Variants in KCTD15 observed in about 807,000 individuals in gnomAD.
The protein encoded by KCTD15 is potassium channel tetramerization domain containing 15, also known as BTB/POZ domain-containing protein KCTD15.
KCTD15 carries 11 observed loss-of-function variants against 27.2 expected under a neutral mutation model. The observed-to-expected ratio is 0.41, with a 90% CI of 0.25 to 0.67. KCTD15 has a LOEUF of 0.67. Ranked by LOEUF, KCTD15 falls within the 30% of genes least tolerant of loss-of-function variation. The pLI, the probability that KCTD15 is intolerant of heterozygous loss-of-function variation, is 0.35. For missense variants in KCTD15, 350 were observed against 409.3 expected, an observed-to-expected ratio of 0.86 and a Z score of 1.25; for synonymous variants, 163 against 176.0, an observed-to-expected ratio of 0.93 and a Z score of 0.58.
chr19:33,802,632 A>G (rs1975595681), intron 4 of KCTD15, among the ~76,000 whole-genome samples: 1 of 151,930 alleles, frequency 6.6e-6, no homozygotes, highest in South Asian at 2.1e-4. Flanking sequence ...GGTGGGGACA[A>G]GAGCCACGGG....
chr19:33,809,884 A>G (rs1237942727), intron 5 of KCTD15, among the ~76,000 whole-genome samples: 1 of 152,154 alleles, frequency 6.6e-6, no homozygotes, highest in Admixed American at 6.5e-5. Flanking sequence ...AAAATAAAAT[A>G]AAAATCTCAG....
rs751185346 is a variant in KCTD15, at chr19:33,797,247, G to GGTGTGT, written c.-127+292_-127+297dup. 4.9e-3 allele frequency among the ~76,000 whole-genome samples: 594 copies of GGTGTGT among 120,742 alleles called. 3 individuals are homozygous for GGTGTGT. Among genetic ancestry groups the GGTGTGT allele is most frequent in the Middle Eastern group, 0.019 (4 of 210 alleles). The allele number at this position is 120,742 out of a possible 152,430, so 79.2% of individuals were successfully genotyped here. On this transcript the variant is annotated intron_variant, in intron 1 of 6. Transcript: ENST00000683859. ...GCGGTCTCGGAGCTTCCTGCCGCGC[G>GGTGTGT]GTGTGTGTGTGTGTGTGTGTGTGTG...
At chr19:33,810,953 T>C (rs976432826) in intron 5 of KCTD15, among the ~76,000 whole-genome samples, 1 of 152,044 alleles carries the variant, frequency 6.6e-6, no homozygotes, top group African/African-American at 2.4e-5. Flanking sequence ...CTTCCAGGTC[T>C]TTCCATGGGG....
intron 4 of KCTD15, 65 bp from the exon 5 acceptor site, chr19:33,806,798 G>A (rs1323148609): frequency 1.3e-6 from 2 of 1,572,146 alleles, no homozygotes; most frequent in African/African-American, 2.7e-5. Context: ...TGGGGGCGGG[G>A]TGTGGGAAGA....
In KCTD15 at chr19:33,811,293, C is replaced by T. The variant is rs894807083; in HGVS notation, c.434C>T (p.Pro145Leu). 28 of 1,545,904 alleles carry T rather than the reference C, an allele frequency of 1.8e-5. No homozygotes were observed. Among genetic ancestry groups the T allele is most frequent in the Non-Finnish European group, 2.3e-5 (26 of 1,145,084 alleles). ...YEEARYYQLQ[P>L]MVRELERWQQ... ...GAGGCGCGCTACTATCAGCTCCAGC[C>T]CATGGTGCGCGAGCTGGAGCGCTGG... is the stretch of plus-strand genomic sequence containing the variant. The change falls in exon 6 of 7, where the codon CCC becomes CTC. Residue 145 changes from proline to leucine, a missense_variant. Around this residue, in one of 3 missense-constraint regions of KCTD15, gnomAD observed 219 missense variants for 234.9 expected, o/e 0.93. Coordinates refer to ENST00000683859, the MANE Select transcript of KCTD15 (RefSeq NM_001129994.2).
At chr19:33,795,462 G>A (rs1230084359), upstream of KCTD15, among the ~76,000 whole-genome samples, 1 of 151,988 alleles carries the variant, frequency 6.6e-6, no homozygotes, top group Non-Finnish European at 1.5e-5. Flanking sequence ...GAGTGCGGCC[G>A]CTAGGGGGCG....
chr19:33,801,447 AG>A, intron 4 of KCTD15, 105 bp downstream of exon 4: 1 of 974,342 alleles, frequency 1.0e-6, no homozygotes, highest in South Asian at 1.8e-5. Context: ...TCCACCCACC[AG>A]GGTCTCCAGG....
At chr19:33,797,698 C>G (rs1343035296) in intron 1 of KCTD15, among the ~76,000 whole-genome samples, 1 of 85,528 alleles carries the variant, frequency 1.2e-5, no homozygotes, top group African/African-American at 2.8e-5. Flanking sequence ...CAGCGCCTTT[C>G]TGTCTTCCGG....
chr19:33,812,651 T>A lies in KCTD15; in HGVS notation c.694-139T>A, dbSNP rs77646506. ...CAGCACGTGGTTCTGTAGGGACCTT[T>A]GTCAGTGAGCAAGACTGAGATCGTC... On this transcript the variant is annotated intron_variant, in intron 6 of 6. Transcript: ENST00000683859. 10,434 of 1,359,608 alleles carry A rather than the reference T, an allele frequency of 7.7e-3. 660 individuals carry two copies. The African/African-American group carries it at 0.14, about 18-fold the overall frequency. The allele number at this position is 1,359,608 out of a possible 1,614,324, so 84.2% of individuals were successfully genotyped here. A position where few individuals can be genotyped will look rare whatever the true frequency, so the allele number is the denominator to read the frequency against.
chr19:33,805,893 G>A (rs191203151), intron 4 of KCTD15, among the ~76,000 whole-genome samples: 5 of 152,306 alleles, frequency 3.3e-5, no homozygotes, highest in African/African-American at 7.2e-5. Context: ...CCTTCTCCCC[G>A]GAGTGGACAG....
At position 33,802,385 on chromosome 19, in the gene KCTD15, G is replaced by A. The variant is rs75443436; in HGVS notation, c.242+1043G>A. Among the ~76,000 whole-genome samples the A allele has an allele frequency of 9.0e-3, 1,368 of 152,326 alleles. 21 individuals carry two copies. Among genetic ancestry groups the A allele is most frequent in the African/African-American group, 0.031 (1,303 of 41,552 alleles). ...TACACGGCAGGCTGCATTGTCACCG[G>A]TGTGGTTCCTCAGAGCAGGGAGGAT... On this transcript the variant is annotated intron_variant, in intron 4 of 6. Transcript: ENST00000683859.
At chr19:33,806,573 A>T (rs577082113) in intron 4 of KCTD15, among the ~76,000 whole-genome samples, 1 of 152,156 alleles carries the variant, frequency 6.6e-6, no homozygotes, top group Non-Finnish European at 1.5e-5. Flanking sequence ...ATACCTTTCC[A>T]GGCCTGTAAC....
At chr19:33,803,721 C>T (rs1975631752) in intron 4 of KCTD15, among the ~76,000 whole-genome samples, 1 of 152,106 alleles carries the variant, frequency 6.6e-6, no homozygotes, top group African/African-American at 2.4e-5. Flanking sequence ...CCGTTAGCTG[C>T]CGCCATCACA....
In KCTD15 at chr19:33,813,709, G is replaced by T. The variant is rs1976006720; in HGVS notation, c.*761G>T. ...CTTCCAGTCCTGTCTGTGTGGACTG[G>T]CACCTGGGCTGCTGGAGAAGTCTCC... On this transcript the variant is annotated 3_prime_UTR_variant, in exon 7 of 7. Transcript: ENST00000683859. 2 of 215,920 alleles carry T rather than the reference G, an allele frequency of 9.3e-6. No individual in the cohort carries two copies. The highest frequency in any genetic ancestry group is 1.1e-4 in the South Asian group (2 of 17,510). 13.4% of individuals were successfully genotyped at this position (215,920 alleles called of 1,614,324 possible).
upstream of KCTD15, among the ~76,000 whole-genome samples, chr19:33,794,783 C>T (rs1975267571): frequency 1.3e-5 from 2 of 152,268 alleles, no homozygotes; most frequent in African/African-American, 4.8e-5. Context: ...TCTGGTCCCT[C>T]AATGCTGAGT....
intron 6 of KCTD15, chr19:33,812,321 C>G (rs1348641894): frequency 4.9e-6 from 5 of 1,018,112 alleles, no homozygotes; most frequent in Non-Finnish European, 4.7e-6. Context: ...GCTGATGCAC[C>G]CCCAGGCTTC....
At chr19:33,811,959 G>T (rs1039175139) in intron 6 of KCTD15, 4 of 1,509,930 alleles carry the variant, frequency 2.6e-6, no homozygotes, top group Non-Finnish European at 2.6e-6. Flanking sequence ...CCTGGGAGTC[G>T]CAGGCACCCA....
rs1599664596 is a variant in KCTD15, at chr19:33,797,265, TG to T, written c.-127+279del. On this transcript the variant is annotated intron_variant, in intron 1 of 6. Transcript: ENST00000683859. Reference sequence around the variant, plus strand: ...GCCGCGCGGTGTGTGTGTGTGTGTGTGTGTGTGTGTGTGTGTGTGCGCGCGC... The same window carrying T: ...GCCGCGCGGTGTGTGTGTGTGTGTGTTGTGTGTGTGTGTGTGTGCGCGCGC... 7 of 294,636 alleles carry T rather than the reference TG, an allele frequency of 2.4e-5. No individual in the cohort carries two copies. The East Asian group carries it at 6.2e-4, about 26-fold the overall frequency. 18.3% of individuals were successfully genotyped at this position (294,636 alleles called of 1,614,324 possible).
intron 6 of KCTD15, 57 bp from the exon 7 acceptor site, chr19:33,812,733 C>G: frequency 7.1e-7 from 1 of 1,399,154 alleles, no homozygotes; most frequent in East Asian, 2.9e-5. Flanking sequence ...CCTGCCAGGC[C>G]AAGCCAGGTG....
Sources: allele counts gnomAD v4.1 joint callset (sites outside exome capture counted in the v4.1 genomes callset), GRCh38; gene constraint gnomAD v4.1.1; regional missense constraint gnomAD v4.1.1; transcripts MANE v1.5; gene names NCBI Gene and HGNC (gene_info 2026-07-23, HGNC 2026-07-21).